ATRN: variants seen among roughly 807,000 people sequenced by gnomAD.
ATRN encodes attractin-2.
ATRN carries 54 observed loss-of-function variants against 178.7 expected under a neutral mutation model. The observed-to-expected ratio is 0.30, with a 90% CI of 0.24 to 0.38. The LOEUF (loss-of-function observed/expected upper bound fraction) is 0.38, where lower values mean the gene tolerates loss of function less well. Among genes scored for constraint, ATRN ranks in the 10% least tolerant of loss-of-function variants. ATRN has a pLI of 1.00. For missense variants in ATRN, 1,443 were observed against 1,815.1 expected (o/e 0.79, Z 3.73); for synonymous variants, 636 against 663.0 (o/e 0.96, Z 0.63).
At chr20:3,499,579 G>T (rs2084927738) in intron 1 of ATRN, among the ~76,000 whole-genome samples, 2 of 151,262 alleles carry the variant, frequency 1.3e-5, no homozygotes, top group Non-Finnish European at 3.0e-5. Flanking sequence ...AACAAGCATT[G>T]GGGAAAGGAT....
At chr20:3,646,112 T>C (rs2087106054) in intron 28 of ATRN, among the ~76,000 whole-genome samples, 1 of 152,190 alleles carries the variant, frequency 6.6e-6, no homozygotes, top group South Asian at 2.1e-4. Flanking sequence ...AGCCCTGTAC[T>C]ACTATTATCC....
chr20:3,621,518 C>T (rs7267118), intron 24 of ATRN, among the ~76,000 whole-genome samples: 15,957 of 152,104 alleles, frequency 0.1, 2,366 homozygotes, highest in African/African-American at 0.33. Flanking sequence ...TTGTGGAAGT[C>T]GTAGGACGTG....
chr20:3,484,635 A>C (rs2084665989), intron 1 of ATRN, among the ~76,000 whole-genome samples: 1 of 152,230 alleles, frequency 6.6e-6, no homozygotes, highest in Admixed American at 6.5e-5. Flanking sequence ...CCTAATTTCA[A>C]CAAAAATCCC....
intron 25 of ATRN, among the ~76,000 whole-genome samples, chr20:3,630,916 C>CTTTTTTTTTTTTTT (rs368394749): frequency 4.6e-5 from 2 of 43,424 alleles, no homozygotes; most frequent in Non-Finnish European, 8.5e-5. Context: ...ATTTATTTAG[C>CTTTTTTTTTTTTTT]TTTTTTTTTT....
intron 18 of ATRN, among the ~76,000 whole-genome samples, chr20:3,588,609 T>C (rs1044725008): frequency 6.6e-6 from 1 of 152,216 alleles, no homozygotes; most frequent in African/African-American, 2.4e-5. Context: ...GGATTTTGTG[T>C]GTACATTCAT....
At chr20:3,537,800 T>C (rs2085560379) in intron 2 of ATRN, among the ~76,000 whole-genome samples, 1 of 151,866 alleles carries the variant, frequency 6.6e-6, no homozygotes, top group African/African-American at 2.4e-5. Flanking sequence ...CTGAGAATGA[T>C]GGTTTCCAGC....
chr20:3,585,845 A>C (rs779147792), intron 18 of ATRN, among the ~76,000 whole-genome samples: 6 of 152,230 alleles, frequency 3.9e-5, no homozygotes, highest in Admixed American at 6.5e-5. Flanking sequence ...AAAGATACTC[A>C]ATATCATTCA....
Position 3,645,350 on chromosome 20 carries a change from T to C in ATRN, c.4165+1082T>C, listed in dbSNP as rs2087099688. 6.6e-6 allele frequency among the ~76,000 whole-genome samples: 1 copy of C among 152,174 alleles called. No homozygotes were observed. The highest frequency in any genetic ancestry group is 1.9e-4 in the East Asian group (1 of 5,196). ...GCCTTTCGACATGGCTCGGCCAGGA[T>C]TCATTGTCTTCATCTCACCTAGGGA... On this transcript the variant is annotated intron_variant, in intron 28 of 28. Transcript: ENST00000262919. This position sits in a 1 kb window ranked among gnomAD's most constrained non-coding sequence, Gnocchi z 4.7.
chr20:3,580,855 A>G (rs1017087349), intron 15 of ATRN, among the ~76,000 whole-genome samples: 5 of 152,232 alleles, frequency 3.3e-5, no homozygotes, highest in African/African-American at 7.2e-5. Flanking sequence ...AAATTATTGA[A>G]GGGCCTTTAA....
chr20:3,473,768 A>G (rs1057027787), intron 1 of ATRN, among the ~76,000 whole-genome samples: 3 of 152,168 alleles, frequency 2.0e-5, no homozygotes, highest in Admixed American at 6.5e-5. Flanking sequence ...AGCAAGATCA[A>G]TCTGTAATGT....
chr20:3,490,336 T>C, intron 1 of ATRN: 1 of 1,006,252 alleles, frequency 9.9e-7, no homozygotes, highest in Non-Finnish European at 1.6e-6. Context: ...CTTTCGCCCA[T>C]CCAGGAAGGT....
chr20:3,493,813 A>G (rs2084840810), intron 1 of ATRN, among the ~76,000 whole-genome samples: 1 of 152,048 alleles, frequency 6.6e-6, no homozygotes, highest in Admixed American at 6.6e-5. Flanking sequence ...TACACACGAG[A>G]TTGTTCTGGA....
chr20:3,603,553 A>G (rs1212869655), intron 23 of ATRN, among the ~76,000 whole-genome samples: 1 of 150,906 alleles, frequency 6.6e-6, no homozygotes, highest in Non-Finnish European at 1.5e-5. Flanking sequence ...GCAATGGCGC[A>G]ATCTTGGCTC....
chr20:3,622,729 C>T (rs2086906050), intron 24 of ATRN, among the ~76,000 whole-genome samples: 1 of 152,196 alleles, frequency 6.6e-6, no homozygotes, highest in Non-Finnish European at 1.5e-5. Context: ...ACTATGGAGA[C>T]TTAGATGATA....
intron 1 of ATRN, among the ~76,000 whole-genome samples, chr20:3,506,057 G>GACACAT (rs146070756): frequency 0.05 from 7,554 of 151,892 alleles, 507 homozygotes; most frequent in African/African-American, 0.15. Context: ...TTGACACACT[G>GACACAT]ACACATACAC....
rs927624680 is a variant in ATRN at position 3,490,574 on chromosome 20, A to G, written c.410+19057A>G. 19 of 1,061,862 alleles carry G rather than the reference A, an allele frequency of 1.8e-5. No homozygotes were observed. The African/African-American group carries it at 3.0e-4, about 16-fold the overall frequency. 65.8% of individuals were successfully genotyped at this position (1,061,862 alleles called of 1,614,324 possible). A position where few individuals can be genotyped will look rare whatever the true frequency, so the allele number is the denominator to read the frequency against. On this transcript the variant is annotated intron_variant, in intron 1 of 28. Transcript: ENST00000262919. ...TTCTCAGATGCCTTCACGTTAATGTACTTGAGGTAACAGTCACGGAGATCG... is the reference window on the plus strand; with the variant it reads ...TTCTCAGATGCCTTCACGTTAATGTGCTTGAGGTAACAGTCACGGAGATCG...
intron 27 of ATRN, among the ~76,000 whole-genome samples, chr20:3,641,092 T>C (rs2146326505): frequency 6.6e-6 from 1 of 152,324 alleles, no homozygotes; most frequent in East Asian, 1.9e-4. Flanking sequence ...GAACAGTGGT[T>C]CACAGGGGCT....
chr20:3,534,782 C>A (rs752348864), intron 1 of ATRN, among the ~76,000 whole-genome samples: 1 of 152,084 alleles, frequency 6.6e-6, no homozygotes, highest in Non-Finnish European at 1.5e-5. Flanking sequence ...TGGGCAACAT[C>A]GTGAGACTCT....
Position 3,540,354 on chromosome 20 carries a change from G to A in ATRN, c.608+19G>A. ...CATTTAGGTAAGCTCAGTCTTACAA[G>A]CCTTCTTTCATCGTTTGATTTCTAA... On this transcript the variant is annotated intron_variant, in intron 3 of 28. Transcript: ENST00000262919. 6.9e-6 allele frequency: 10 copies of A among 1,446,132 alleles called. No individual in the cohort carries two copies. The East Asian group carries it at 1.4e-4, about 20-fold the overall frequency. The allele number at this position is 1,446,132 out of a possible 1,614,324, so 89.6% of individuals were successfully genotyped here.
Sources: gnomAD v4.1 joint callset for allele counts (sites outside exome capture counted in the v4.1 genomes callset) on GRCh38, gnomAD v4.1.1 for gene constraint, Gnocchi (gnomAD v3.1) non-coding constraint, MANE v1.5 for transcripts, NCBI Gene and HGNC (gene_info 2026-07-23, HGNC 2026-07-21) for gene names.